IQCB1: variants seen among roughly 807,000 people sequenced by gnomAD.
The protein encoded by IQCB1 is IQ motif containing B1, also known as IQ calmodulin-binding motif-containing protein 1.
In IQCB1, 56 loss-of-function variants were observed where a neutral mutation model predicts 84.4. That is an observed-to-expected ratio of 0.66 (90% confidence interval 0.54 to 0.83). The LOEUF is 0.83. IQCB1 is among the 40% of genes least tolerant of loss of function. The pLI is 0.00. For synonymous variants in IQCB1, 210 were observed against 234.8 expected, an observed-to-expected ratio of 0.89 and a Z score of 0.96; for missense variants, 629 against 682.1, an observed-to-expected ratio of 0.92 and a Z score of 0.87.
chr3:121,784,522 A>T (rs534625928), intron 12 of IQCB1, among the ~76,000 whole-genome samples: 35 of 152,144 alleles, frequency 2.3e-4, no homozygotes, highest in East Asian at 1.5e-3. Flanking sequence ...GATTAAAAAA[A>T]TTTTTTCCTT....
chr3:121,815,794 G>A (rs1041202654), intron 5 of IQCB1, among the ~76,000 whole-genome samples: 4 of 152,034 alleles, frequency 2.6e-5, no homozygotes, highest in Non-Finnish European at 5.9e-5. Flanking sequence ...CCATGCTTAT[G>A]GATAGAAAGA....
intron 7 of IQCB1, among the ~76,000 whole-genome samples, chr3:121,801,314 C>G (rs1020031617): frequency 6.6e-6 from 1 of 151,986 alleles, no homozygotes; most frequent in Admixed American, 6.6e-5. Context: ...TTGTTTTTCA[C>G]AAATAAAGCT....
chr3:121,803,331 G>A (rs1338485070), intron 7 of IQCB1, among the ~76,000 whole-genome samples: 3 of 152,204 alleles, frequency 2.0e-5, no homozygotes, highest in African/African-American at 4.8e-5. Flanking sequence ...GATTACAGGT[G>A]TGAGCCACCG....
At chr3:121,815,607 C>A (rs1233003320) in intron 5 of IQCB1, among the ~76,000 whole-genome samples, 1 of 152,114 alleles carries the variant, frequency 6.6e-6, no homozygotes, top group Non-Finnish European at 1.5e-5. Context: ...TTCCTATACA[C>A]CAATGATAGA....
In IQCB1 at chr3:121,790,047, T is replaced by C. The variant is rs75175594; in HGVS notation, c.1129+26A>G. The C allele has an allele frequency of 6.4e-4, 1,023 of 1,595,838 alleles. 8 individuals carry two copies. In the African/African-American group the frequency reaches 0.012, roughly 19 times the overall value. On this transcript the variant is annotated intron_variant, in intron 11 of 14. Coordinates refer to ENST00000310864, the MANE Select transcript of IQCB1 (RefSeq NM_001023570.4). ...AAAAGATAACCTAAATATTCTTATA[T>C]TGATAAAGTTGATACTGCCACTCAC...
At chr3:121,811,263 T>C (rs541197976) in intron 5 of IQCB1, among the ~76,000 whole-genome samples, 1 of 152,254 alleles carries the variant, frequency 6.6e-6, no homozygotes, top group African/African-American at 2.4e-5. Context: ...CCCATGGTTT[T>C]TGCAACCCAC....
At position 121,834,374 on chromosome 3, in the gene IQCB1, T is replaced by C. The variant is rs554175204; in HGVS notation, c.-13+17A>G. ...TGACACAAAAAGACAATTATTTATC[T>C]ATTTTAAGGCTACTACCCTGTTGCC... is the stretch of plus-strand genomic sequence containing the variant. On this transcript the variant is annotated intron_variant, in intron 2 of 14. Coordinates refer to ENST00000310864, the MANE Select transcript of IQCB1 (RefSeq NM_001023570.4). 3 of 152,234 alleles carry C rather than the reference T, an allele frequency of 2.0e-5. No homozygotes were observed. The highest frequency in any genetic ancestry group is 4.4e-5 in the Non-Finnish European group (3 of 68,032). 9.4% of individuals were successfully genotyped at this position (152,234 alleles called of 1,614,324 possible).
intron 7 of IQCB1, among the ~76,000 whole-genome samples, chr3:121,800,713 A>C (rs530636597): frequency 4.7e-4 from 72 of 151,970 alleles, no homozygotes; most frequent in Non-Finnish European, 8.3e-4. Flanking sequence ...CTATAATGTA[A>C]TACAGTAGTT....
chr3:121,806,449 C>A (rs999307128), intron 7 of IQCB1, among the ~76,000 whole-genome samples: 2 of 152,102 alleles, frequency 1.3e-5, no homozygotes, highest in Admixed American at 6.6e-5. Context: ...GAGTCTCAGC[C>A]GAGCTTGCTA....
At chr3:121,780,881 TGTGA>T (rs1275101613) in intron 13 of IQCB1, among the ~76,000 whole-genome samples, 17 of 145,660 alleles carry the variant, frequency 1.2e-4, no homozygotes, top group Admixed American at 4.7e-4. Context: ...TGTGTGTGTG[TGTGA>T]GAGAGAGAGA....
At chr3:121,787,070 T>G (rs1948766237) in intron 12 of IQCB1, among the ~76,000 whole-genome samples, 1 of 152,148 alleles carries the variant, frequency 6.6e-6, no homozygotes. Context: ...ACAGTGATGG[T>G]GCAGGATTGT....
chr3:121,795,833 C>T (rs1949170074), intron 9 of IQCB1, among the ~76,000 whole-genome samples: 3 of 152,104 alleles, frequency 2.0e-5, no homozygotes, highest in South Asian at 2.1e-4. Flanking sequence ...TCATAGTCCG[C>T]CTGACCTTTC....
chr3:121,830,633 CCA>C (rs1485422894), intron 2 of IQCB1, among the ~76,000 whole-genome samples: 3 of 152,024 alleles, frequency 2.0e-5, no homozygotes, highest in African/African-American at 4.8e-5. Context: ...ATGTTTTTGT[CCA>C]CAGTTTCTGG....
intron 2 of IQCB1, among the ~76,000 whole-genome samples, chr3:121,832,579 G>A (rs538752989): frequency 1.3e-5 from 2 of 152,024 alleles, no homozygotes; most frequent in African/African-American, 2.4e-5. Context: ...TGCCCACTTC[G>A]GCCTCCCAAA....
chr3:121,771,548 C>T (rs568911373), intron 14 of IQCB1, among the ~76,000 whole-genome samples: 5 of 152,072 alleles, frequency 3.3e-5, no homozygotes, highest in East Asian at 2.0e-4. Context: ...ATGCTGGTCT[C>T]GAACTCCTGA....
chr3:121,820,491 T>C (rs913603082), intron 5 of IQCB1, among the ~76,000 whole-genome samples: 1 of 152,182 alleles, frequency 6.6e-6, no homozygotes, highest in Non-Finnish European at 1.5e-5. Flanking sequence ...AGTATGCTCC[T>C]CTTCAAAGTT....
intron 13 of IQCB1, among the ~76,000 whole-genome samples, chr3:121,776,766 GTTTA>G (rs1364988373): frequency 3.9e-5 from 6 of 152,076 alleles, no homozygotes; most frequent in Admixed American, 2.0e-4. Context: ...TTTTTCATGT[GTTTA>G]TTTGTCATCT....
At chr3:121,802,073 A>G (rs917100952) in intron 7 of IQCB1, among the ~76,000 whole-genome samples, 7 of 151,966 alleles carry the variant, frequency 4.6e-5, no homozygotes, top group African/African-American at 1.7e-4. Context: ...ATGTTTATGA[A>G]TATACTGATG....
intron 7 of IQCB1, among the ~76,000 whole-genome samples, chr3:121,801,260 AGTTT>A (rs1406379486): frequency 1.3e-5 from 2 of 152,070 alleles, no homozygotes; most frequent in African/African-American, 4.8e-5. Flanking sequence ...TCCAGAAGTT[AGTTT>A]ACCTATTCAC....
Sources: allele counts gnomAD v4.1 joint callset (sites outside exome capture counted in the v4.1 genomes callset), GRCh38; gene constraint gnomAD v4.1.1; transcripts MANE v1.5; gene names NCBI Gene and HGNC (gene_info 2026-07-23, HGNC 2026-07-21).